Variants in SEMA6D observed in about 807,000 individuals in gnomAD.
SEMA6D encodes the protein semaphorin-6D.
A neutral mutation model predicts 106.6 loss-of-function variants in SEMA6D; 35 were observed. The ratio of observed to expected loss-of-function variants is 0.33; its 90% CI spans 0.25 to 0.44. SEMA6D has a LOEUF of 0.44. SEMA6D is among the 20% of genes least tolerant of loss of function. The pLI is 1.00. For synonymous variants in SEMA6D, 499 were observed against 487.7 expected (o/e 1.02, Z -0.31); for missense variants, 1,185 against 1,345.9 (o/e 0.88, Z 1.87).
intron 3 of SEMA6D, among the ~76,000 whole-genome samples, chr15:47,547,979 T>C (rs1437719901): frequency 6.6e-6 from 1 of 152,170 alleles, no homozygotes; most frequent in Non-Finnish European, 1.5e-5. Context: ...AAAACATGTT[T>C]TTTTCTCTCA....
chr15:47,633,932 T>A (rs1200817918), intron 4 of SEMA6D, among the ~76,000 whole-genome samples: 2 of 152,216 alleles, frequency 1.3e-5, no homozygotes, highest in African/African-American at 4.8e-5. Context: ...AGGAAGTTTT[T>A]CTTTTGCTTA....
intron 1 of SEMA6D, among the ~76,000 whole-genome samples, chr15:47,305,436 T>G (rs972419958): frequency 1.3e-5 from 2 of 152,204 alleles, no homozygotes; most frequent in African/African-American, 4.8e-5. Flanking sequence ...CCATGATCCC[T>G]TATGGCCATT....
intron 2 of SEMA6D, among the ~76,000 whole-genome samples, chr15:47,461,365 C>T (rs1402033988): frequency 6.6e-6 from 1 of 151,990 alleles, no homozygotes; most frequent in Non-Finnish European, 1.5e-5. Context: ...TGAATGTATG[C>T]TGCATAAATA....
chr15:47,239,363 G>A (rs2032760835), intron 1 of SEMA6D, among the ~76,000 whole-genome samples: 2 of 152,094 alleles, frequency 1.3e-5, no homozygotes, highest in Admixed American at 6.6e-5. Flanking sequence ...GAAATAAAGT[G>A]CACAGTAAAT....
chr15:47,428,464 CCTTAAAAG>C (rs2041420899), intron 2 of SEMA6D, among the ~76,000 whole-genome samples: 1 of 34,222 alleles, frequency 2.9e-5, no homozygotes, highest in African/African-American at 9.0e-5. Flanking sequence ...GCAGATCTAC[CCTTAAAAG>C]TGGGTAAAAT....
chr15:47,702,551 C>T (rs755918764), intron 4 of SEMA6D, among the ~76,000 whole-genome samples: 2 of 152,166 alleles, frequency 1.3e-5, no homozygotes, highest in Admixed American at 6.5e-5. Context: ...CTTATGTCCA[C>T]GCAAAAACTT....
chr15:47,715,407 G>C (rs2079092046), upstream of SEMA6D, among the ~76,000 whole-genome samples: 1 of 152,136 alleles, frequency 6.6e-6, no homozygotes, highest in Non-Finnish European at 1.5e-5. Context: ...CAAATAAAAG[G>C]AGCGTTGTTT....
At chr15:47,479,638 C>A (rs1173569844) in intron 3 of SEMA6D, among the ~76,000 whole-genome samples, 1 of 151,958 alleles carries the variant, frequency 6.6e-6, no homozygotes, top group African/African-American at 2.4e-5. Context: ...TGGAAACCAA[C>A]CCTTTGGGAA....
At chr15:47,376,507 G>T (rs2039453485) in intron 1 of SEMA6D, among the ~76,000 whole-genome samples, 1 of 152,210 alleles carries the variant, frequency 6.6e-6, no homozygotes, top group Admixed American at 6.5e-5. Context: ...TTTATAACTT[G>T]TGTTCAGCTT....
chr15:47,208,508 G>A (rs1895262648), intron 1 of SEMA6D, among the ~76,000 whole-genome samples: 1 of 152,074 alleles, frequency 6.6e-6, no homozygotes, highest in African/African-American at 2.4e-5. Flanking sequence ...TTCAGCAGAT[G>A]GTAGTAACTA....
At chr15:47,738,167 T>C (rs1293021924) in intron 1 of SEMA6D, among the ~76,000 whole-genome samples, 1 of 151,934 alleles carries the variant, frequency 6.6e-6, no homozygotes, top group Non-Finnish European at 1.5e-5. Flanking sequence ...CTACCCCAAA[T>C]AGGCCCTGGT....
At chr15:47,493,421 C>T (rs2043534110) in intron 3 of SEMA6D, among the ~76,000 whole-genome samples, 2 of 152,136 alleles carry the variant, frequency 1.3e-5, no homozygotes, top group Non-Finnish European at 2.9e-5. Flanking sequence ...GAATTGAAAA[C>T]TTGCTCTATC....
rs139621504 is a variant in SEMA6D at position 47,515,057 on chromosome 15, G to A, written c.-87+44512G>A. On this transcript the variant is annotated intron_variant, in intron 3 of 19. Coordinates refer to the SEMA6D transcript ENST00000558014. ...CTTTCCCTTGCATTCGCCTGGCAGC[G>A]TTCACATTGGCCTCCCAAACTTTCT... Among the ~76,000 whole-genome samples, 143 of 152,266 alleles carry A rather than the reference G, an allele frequency of 9.4e-4. 2 individuals carry two copies. In the East Asian group the frequency reaches 0.023, roughly 24 times the overall value.
intron 1 of SEMA6D, among the ~76,000 whole-genome samples, chr15:47,200,514 T>C (rs1302376497): frequency 6.6e-6 from 1 of 152,216 alleles, no homozygotes; most frequent in Non-Finnish European, 1.5e-5. Context: ...CCACTTTTAA[T>C]TATAATTCTT....
At chr15:47,705,532 A>G (rs1404467410) in intron 4 of SEMA6D, among the ~76,000 whole-genome samples, 1 of 152,200 alleles carries the variant, frequency 6.6e-6, no homozygotes, top group Non-Finnish European at 1.5e-5. Flanking sequence ...AATGTAATAC[A>G]TGACTTAATA....
At chr15:47,409,292 T>A (rs1458693806) in intron 1 of SEMA6D, among the ~76,000 whole-genome samples, 1 of 152,138 alleles carries the variant, frequency 6.6e-6, no homozygotes, top group Non-Finnish European at 1.5e-5. Context: ...ATTGTACCCC[T>A]CTCTCTGCCA....
intron 1 of SEMA6D, among the ~76,000 whole-genome samples, chr15:47,403,326 T>C (rs142037430): frequency 1.4e-3 from 207 of 152,220 alleles, no homozygotes; most frequent in Middle Eastern, 6.8e-3. Context: ...ACCCCAGCAA[T>C]GACTGCCATG....
At chr15:47,350,036 A>G (rs1423696669) in intron 1 of SEMA6D, among the ~76,000 whole-genome samples, 3 of 152,212 alleles carry the variant, frequency 2.0e-5, no homozygotes, top group Admixed American at 2.0e-4. Flanking sequence ...AGAGTATTTC[A>G]TTTGTTAAAC....
intron 1 of SEMA6D, among the ~76,000 whole-genome samples, chr15:47,232,923 C>T (rs1396479619): frequency 6.6e-6 from 1 of 151,916 alleles, no homozygotes; most frequent in Non-Finnish European, 1.5e-5. Flanking sequence ...CACACACACA[C>T]ATACACACAA....
Sources: gnomAD v4.1 joint callset for allele counts (sites outside exome capture counted in the v4.1 genomes callset) on GRCh38, gnomAD v4.1.1 for gene constraint, MANE v1.5 for transcripts, NCBI Gene and HGNC (gene_info 2026-07-23, HGNC 2026-07-21) for gene names.